PLIN5: variants seen among roughly 807,000 people sequenced by gnomAD.
The protein encoded by PLIN5 is perilipin 5, also known as perilipin-5.
In PLIN5, 34 loss-of-function variants were observed where a neutral mutation model predicts 32.8. That is an observed-to-expected ratio of 1.04 (90% CI 0.79 to 1.38). The LOEUF (loss-of-function observed/expected upper bound fraction) is 1.38, where lower values mean the gene tolerates loss of function less well. Ranked by LOEUF, PLIN5 falls within the 40% of genes most tolerant of loss-of-function variation. PLIN5 has a pLI of 0.00. For synonymous variants in PLIN5, 309 were observed against 292.9 expected (o/e 1.05, Z -0.56); for missense variants, 712 against 660.5 (o/e 1.08, Z -0.85).
At chr19:4,529,745 C>A (rs965566270) in intron 4 of PLIN5, 39 bp downstream of exon 4, 1 of 1,538,872 alleles carries the variant, frequency 6.5e-7, no homozygotes, top group Non-Finnish European at 9.0e-7. Context: ...ATCTGGCCTG[C>A]CCCCACTGGA....
chr19:4,523,257 CAGGGAG>C lies in PLIN5; in HGVS notation c.*265_*270del. 1 of 378,184 alleles carries C rather than the reference CAGGGAG, an allele frequency of 2.6e-6. No homozygotes were observed. The highest frequency in any genetic ancestry group is 2.1e-5 in the African/African-American group (1 of 47,894). 23.4% of individuals were successfully genotyped at this position (378,184 alleles called of 1,614,324 possible). A position where few individuals can be genotyped will look rare whatever the true frequency, so the allele number is the denominator to read the frequency against. Reference sequence around the variant, plus strand: ...AAGATTTGGATTCGCTTCATGGAGCCAGGGAGCAGGACATAGGTGAAGAACCCAGCT... The same window carrying C: ...AAGATTTGGATTCGCTTCATGGAGCCCAGGACATAGGTGAAGAACCCAGCT... On this transcript the variant is annotated 3_prime_UTR_variant, in exon 8 of 8. Transcript: ENST00000381848. The surrounding 1 kb of genome is among the most constrained non-coding windows in gnomAD (Gnocchi z 5.0).
Position 4,523,709 on chromosome 19 carries a change from T to C in PLIN5, c.1211A>G (p.Asp404Gly), listed in dbSNP as rs760623601. ...CCAGTCCAGGTGCGCCCAGCGGGGG[T>C]CAGGGCCCCCGATGACCTCGTCCAC... ...DLVDEVIGGPDPRWAHLDWPA... is the reference protein window; with the variant it reads ...DLVDEVIGGPGPRWAHLDWPA... Residue 404 changes from aspartate (D) to glycine (G), a missense_variant, in exon 8 of 8, where the codon GAC becomes GGC. Transcript: ENST00000381848. The surrounding 1 kb of genome is among the most constrained non-coding windows in gnomAD (Gnocchi z 5.0). 2 of 1,603,770 alleles carry C rather than the reference T, an allele frequency of 1.2e-6. No homozygotes were observed. Among genetic ancestry groups the C allele is most frequent in the South Asian group, 2.2e-5 (2 of 90,894 alleles).
In PLIN5 at chr19:4,529,885, GGAGT is replaced by G; in HGVS notation, c.257-23_257-20del. On this transcript the variant is annotated intron_variant, in intron 3 of 7. Coordinates refer to ENST00000381848, the MANE Select transcript of PLIN5 (RefSeq NM_001013706.3). ...GTGGCCACTGAAGGGAGAGAGGCGG[GGAGT>G]GAGACTCGGGGAGACGCAGAGGGAG... 1 of 1,562,506 alleles carries G rather than the reference GGAGT, an allele frequency of 6.4e-7. No individual in the cohort carries two copies.
At chr19:4,527,856 G>GA (rs1020582321) in intron 5 of PLIN5, among the ~76,000 whole-genome samples, 11 of 147,852 alleles carry the variant, frequency 7.4e-5, no homozygotes, top group Admixed American at 2.0e-4. Context: ...CAAAAAAAAA[G>GA]AAAAAAAAAT....
chr19:4,528,293 T>TC (rs1976833346), intron 5 of PLIN5: 1 of 152,220 alleles, frequency 6.6e-6, no homozygotes, highest in Non-Finnish European at 1.5e-5. Flanking sequence ...TCACATGGTC[T>TC]CCAGGGCCAG....
chr19:4,534,240 A>C, intron 1 of PLIN5, 145 bp from the exon 2 acceptor site: 1 of 678,908 alleles, frequency 1.5e-6, no homozygotes, highest in Non-Finnish European at 2.6e-6. Flanking sequence ...AGCTCAGACA[A>C]TGCATGTCCA....
At position 4,534,001 on chromosome 19, in the gene PLIN5, G is replaced by A. The variant is rs774113107; in HGVS notation, c.60+14C>T. ...TACCTTCTGTCCCTGCTCCATGGGA[G>A]GGGCAGCCCTCACCTGCTGGTCCTG... On this transcript the variant is annotated intron_variant, in intron 2 of 7. Coordinates refer to ENST00000381848, the MANE Select transcript of PLIN5 (RefSeq NM_001013706.3). 6.2e-7 allele frequency: 1 copy of A among 1,611,102 alleles called. No individual in the cohort carries two copies. Among genetic ancestry groups the A allele is most frequent in the Non-Finnish European group, 8.5e-7 (1 of 1,178,714 alleles).
intron 4 of PLIN5, 33 bp from the exon 5 acceptor site, chr19:4,529,286 G>A (rs140672269): frequency 4.1e-5 from 64 of 1,557,252 alleles, no homozygotes; most frequent in African/African-American, 3.3e-4. Flanking sequence ...TCCAGGCACC[G>A]TGGGACTCCA....
At chr19:4,529,527 T>C (rs1228622432) in intron 4 of PLIN5, 5 of 465,544 alleles carry the variant, frequency 1.1e-5, no homozygotes, top group Non-Finnish European at 1.4e-5. Flanking sequence ...TATACACATA[T>C]ACATATATAC....
At chr19:4,533,979 CT>C in intron 2 of PLIN5, 35 bp downstream of exon 2, 5 of 1,601,364 alleles carry the variant, frequency 3.1e-6, no homozygotes, top group Non-Finnish European at 3.4e-6. Context: ...CACACAATAC[CT>C]TCTGTCCCTG....
Position 4,525,940 on chromosome 19 carries a change from GATACGGGGACAGCACGGGGACAGC to G in PLIN5, c.521-132_521-109del. 1 of 541,036 alleles carries G rather than the reference GATACGGGGACAGCACGGGGACAGC, an allele frequency of 1.8e-6. No individual in the cohort carries two copies. The highest frequency in any genetic ancestry group is 3.0e-6 in the Non-Finnish European group (1 of 338,526). The allele number at this position is 541,036 out of a possible 1,614,324, so 33.5% of individuals were successfully genotyped here. A position where few individuals can be genotyped will look rare whatever the true frequency, so the allele number is the denominator to read the frequency against. On this transcript the variant is annotated intron_variant, in intron 5 of 7. Coordinates refer to ENST00000381848, the MANE Select transcript of PLIN5 (RefSeq NM_001013706.3). This position sits in a 1 kb window ranked among gnomAD's most constrained non-coding sequence, Gnocchi z 5.6. ...GGATACGGGGACAGCACGGGGACAG[GATACGGGGACAGCACGGGGACAGC>G]ATGGGGTCAGCACAGCCACCCACCC...
Position 4,529,253 on chromosome 19 carries a change from C to T in PLIN5, c.340G>A (p.Val114Met). The T allele has an allele frequency of 1.9e-6, 3 of 1,596,598 alleles. No individual in the cohort carries two copies. Among genetic ancestry groups the T allele is most frequent in the Non-Finnish European group, 2.6e-6 (3 of 1,169,566 alleles). ...ACCACGTCCTTGGCTGAGGTCACCACCTGGAAGGAAGGGCCCCCCCACTCC... is the reference window on the plus strand; with the variant it reads ...ACCACGTCCTTGGCTGAGGTCACCATCTGGAAGGAAGGGCCCCCCCACTCC... ...LPFLQQPSET[V>M]VTSAKDVVAS... The change falls in exon 5 of 8, where the codon GTG (valine) becomes ATG (methionine). Residue 114 changes from valine to methionine, a missense_variant and splice_region_variant. Transcript: ENST00000381848.
Position 4,528,155 on chromosome 19 carries a change from C to T in PLIN5, c.520+918G>A, listed in dbSNP as rs536978469. Among the ~76,000 whole-genome samples the T allele has an allele frequency of 5.9e-5, 9 of 152,014 alleles. No individual in the cohort carries two copies. The South Asian group carries it at 6.2e-4, about 11-fold the overall frequency. On this transcript the variant is annotated intron_variant, in intron 5 of 7. Coordinates refer to ENST00000381848, the MANE Select transcript of PLIN5 (RefSeq NM_001013706.3). Reference sequence around the variant, plus strand: ...CGATCTCCTGACCTCGTGATCGGCCCGCCTCGGCCCCCCAAAGTGCTGGGA... The same window carrying T: ...CGATCTCCTGACCTCGTGATCGGCCTGCCTCGGCCCCCCAAAGTGCTGGGA...
chr19:4,528,892 G>A lies in PLIN5; in HGVS notation c.520+181C>T, dbSNP rs184239495. On this transcript the variant is annotated intron_variant, in intron 5 of 7. Transcript: ENST00000381848. ...GGGTCTGGGTGTTCTGACTCCTGGCGGGATGCAGGTTGAGGGGCCGTGGAA... is the reference window on the plus strand; with the variant it reads ...GGGTCTGGGTGTTCTGACTCCTGGCAGGATGCAGGTTGAGGGGCCGTGGAA... The A allele has an allele frequency of 1.1e-4, 65 of 598,612 alleles. No homozygotes were observed. The Admixed American group carries it at 1.4e-3, about 13-fold the overall frequency. The allele number at this position is 598,612 out of a possible 1,614,324, so 37.1% of individuals were successfully genotyped here. A position where few individuals can be genotyped will look rare whatever the true frequency, so the allele number is the denominator to read the frequency against.
At position 4,534,151 on chromosome 19, in the gene PLIN5, A is replaced by C. The variant is rs75471602; in HGVS notation, c.-21-56T>G. On this transcript the variant is annotated intron_variant, in intron 1 of 7. Coordinates refer to ENST00000381848, the MANE Select transcript of PLIN5 (RefSeq NM_001013706.3). ...CTGCCCAGGCATCAGATCCTGTCAA[A>C]TTGGGCTCTGTGACTTGAGCAACTC... The C allele has an allele frequency of 2.7e-3, 4,040 of 1,489,750 alleles. 85 individuals are homozygous for C. In the African/African-American group the frequency reaches 0.047, roughly 17 times the overall value. 92.3% of individuals were successfully genotyped at this position (1,489,750 alleles called of 1,614,324 possible). A position where few individuals can be genotyped will look rare whatever the true frequency, so the allele number is the denominator to read the frequency against.
intron 3 of PLIN5, among the ~76,000 whole-genome samples, chr19:4,530,091 A>C (rs545860870): frequency 6.6e-6 from 1 of 152,306 alleles, no homozygotes; most frequent in Non-Finnish European, 1.5e-5. Context: ...CTTACACCAA[A>C]GACGCTGGGG....
chr19:4,524,235 G>A, intron 7 of PLIN5, 150 bp from the exon 8 acceptor site: 1 of 775,984 alleles, frequency 1.3e-6, no homozygotes, highest in South Asian at 3.1e-5. Flanking sequence ...ATGTGACCCA[G>A]CCCTGACTCA....
At position 4,525,169 on chromosome 19, in the gene PLIN5, A is replaced by G; in HGVS notation, c.721-93T>C. 1 of 790,706 alleles carries G rather than the reference A, an allele frequency of 1.3e-6. No individual in the cohort carries two copies. The highest frequency in any genetic ancestry group is 1.9e-6 in the Non-Finnish European group (1 of 522,870). The allele number at this position is 790,706 out of a possible 1,614,324, so 49.0% of individuals were successfully genotyped here. On this transcript the variant is annotated intron_variant, in intron 6 of 7. Coordinates refer to ENST00000381848, the MANE Select transcript of PLIN5 (RefSeq NM_001013706.3). The surrounding 1 kb of genome is among the most constrained non-coding windows in gnomAD (Gnocchi z 5.6). ...CCAGGACCACTGATCTGGCCTCAGTAAGCATTTAGGAGACCGAGGCAGGTT... is the reference window on the plus strand; with the variant it reads ...CCAGGACCACTGATCTGGCCTCAGTGAGCATTTAGGAGACCGAGGCAGGTT...
Position 4,524,092 on chromosome 19 carries a change from G to A in PLIN5, c.835-7C>T. ...CCAGCGTCTCCAGCTCTGCCTGCAGGGGGCGGGGACCTCAGTTTCCCCTAT... is the reference window on the plus strand; with the variant it reads ...CCAGCGTCTCCAGCTCTGCCTGCAGAGGGCGGGGACCTCAGTTTCCCCTAT... On this transcript the variant is annotated splice_polypyrimidine_tract_variant and splice_region_variant and intron_variant, in intron 7 of 7. Transcript: ENST00000381848. 1 of 1,411,746 alleles carries A rather than the reference G, an allele frequency of 7.1e-7. No homozygotes were observed. The highest frequency in any genetic ancestry group is 1.5e-5 in the South Asian group (1 of 65,290). 87.5% of individuals were successfully genotyped at this position (1,411,746 alleles called of 1,614,324 possible). A position where few individuals can be genotyped will look rare whatever the true frequency, so the allele number is the denominator to read the frequency against.
Sources: allele counts gnomAD v4.1 joint callset (sites outside exome capture counted in the v4.1 genomes callset), GRCh38; gene constraint gnomAD v4.1.1; non-coding constraint Gnocchi (gnomAD v3.1); transcripts MANE v1.5; gene names NCBI Gene and HGNC (gene_info 2026-07-23, HGNC 2026-07-21).